Variants in MIR2052HG observed in about 807,000 individuals in gnomAD.
MIR2052HG encodes the protein MIR2052 host gene.
intron 4 of MIR2052HG, among the ~76,000 whole-genome samples, chr8:74,736,349 A>G (rs1322033656): frequency 6.6e-6 from 1 of 152,164 alleles, no homozygotes; most frequent in Middle Eastern, 3.2e-3. Flanking sequence ...TACTATTGTA[A>G]TGTGATATTT....
chr8:74,638,554 G>T (rs908130725), intron 2 of MIR2052HG, among the ~76,000 whole-genome samples: 18 of 152,286 alleles, frequency 1.2e-4, no homozygotes, highest in African/African-American at 4.1e-4. Context: ...AGTAGAAATG[G>T]AGAGTAGATA....
chr8:74,752,097 A>G (rs1012672334), intron 4 of MIR2052HG, among the ~76,000 whole-genome samples: 15 of 151,872 alleles, frequency 9.9e-5, no homozygotes, highest in African/African-American at 3.6e-4. Flanking sequence ...CCTGGGCAAC[A>G]TAGTGAAACC....
chr8:74,731,357 T>C (rs1174354064), intron 4 of MIR2052HG, among the ~76,000 whole-genome samples: 1 of 152,148 alleles, frequency 6.6e-6, no homozygotes, highest in Admixed American at 6.5e-5. Flanking sequence ...CAGTTTGTCA[T>C]TGCAAGGATA....
At chr8:74,721,587 G>C (rs920261699) in intron 4 of MIR2052HG, among the ~76,000 whole-genome samples, 1 of 152,164 alleles carries the variant, frequency 6.6e-6, no homozygotes, top group Non-Finnish European at 1.5e-5. Context: ...TCATCTGTCA[G>C]GGACTCTCTA....
intron 2 of MIR2052HG, among the ~76,000 whole-genome samples, chr8:74,620,362 G>A (rs957402255): frequency 1.2e-4 from 18 of 152,198 alleles, no homozygotes; most frequent in African/African-American, 3.1e-4. Flanking sequence ...GGCAGTGCCC[G>A]CATGGGGACT....
intron 4 of MIR2052HG, among the ~76,000 whole-genome samples, chr8:74,729,087 A>G (rs115683366): frequency 1.3e-5 from 2 of 152,192 alleles, no homozygotes; most frequent in African/African-American, 4.8e-5. Context: ...TTATTTTAAT[A>G]ATACTTTCCC....
chr8:74,732,131 T>G (rs1168720969), intron 4 of MIR2052HG, among the ~76,000 whole-genome samples: 1 of 152,052 alleles, frequency 6.6e-6, no homozygotes, highest in Non-Finnish European at 1.5e-5. Context: ...CATTGAAAAT[T>G]AAAACCTAAT....
At chr8:74,604,810 T>G (rs1414037391) in intron 1 of MIR2052HG, among the ~76,000 whole-genome samples, 1 of 152,022 alleles carries the variant, frequency 6.6e-6, no homozygotes, top group Non-Finnish European at 1.5e-5. Flanking sequence ...GTCAGGCTAG[T>G]CTTGAACTCC....
At chr8:74,661,909 G>A (rs1004433937) in intron 2 of MIR2052HG, among the ~76,000 whole-genome samples, 9 of 152,038 alleles carry the variant, frequency 5.9e-5, no homozygotes, top group African/African-American at 1.9e-4. Flanking sequence ...GCTAATTATT[G>A]AAAAACGATA....
At chr8:74,606,828 T>A (rs945522244) in intron 1 of MIR2052HG, among the ~76,000 whole-genome samples, 27 of 151,730 alleles carry the variant, frequency 1.8e-4, no homozygotes, top group Non-Finnish European at 3.5e-4. Flanking sequence ...ATAAAAGTTT[T>A]AAAAAATTGT....
At chr8:74,745,462 A>T (rs1330760856) in intron 4 of MIR2052HG, among the ~76,000 whole-genome samples, 1 of 152,162 alleles carries the variant, frequency 6.6e-6, no homozygotes, top group African/African-American at 2.4e-5. Flanking sequence ...TTTGATTTGG[A>T]GAAACAGAAT....
At position 74,603,104 on chromosome 8, in the gene MIR2052HG, G is replaced by A. The variant is rs1003305702; in HGVS notation, n.128+3196G>A. The A allele has an allele frequency of 5.0e-6, 3 of 603,618 alleles. No individual in the cohort carries two copies. In the African/African-American group the frequency reaches 5.6e-5, roughly 11 times the overall value. 37.4% of individuals were successfully genotyped at this position (603,618 alleles called of 1,614,324 possible). ...CTAAATATGGATCTCAGCACCAACAGCTGAACAGAGAAAGGAATTAAAACA... is the reference window on the plus strand; with the variant it reads ...CTAAATATGGATCTCAGCACCAACAACTGAACAGAGAAAGGAATTAAAACA... On this transcript the variant is annotated intron_variant and non_coding_transcript_variant, in intron 1 of 6. Transcript: ENST00000523442.
chr8:74,696,713 A>G (rs1251905602), intron 2 of MIR2052HG, among the ~76,000 whole-genome samples: 1 of 152,076 alleles, frequency 6.6e-6, no homozygotes, highest in Non-Finnish European at 1.5e-5. Flanking sequence ...AAACTAGGAA[A>G]CCTAGGGGAG....
intron 2 of MIR2052HG, among the ~76,000 whole-genome samples, chr8:74,656,967 T>G (rs1312288635): frequency 6.6e-6 from 1 of 152,178 alleles, no homozygotes; most frequent in African/African-American, 2.4e-5. Context: ...ACATTTTCCT[T>G]CCTTCATACC....
At chr8:74,649,841 TA>T (rs1808734036) in intron 2 of MIR2052HG, among the ~76,000 whole-genome samples, 1 of 152,108 alleles carries the variant, frequency 6.6e-6, no homozygotes, top group Non-Finnish European at 1.5e-5. Flanking sequence ...TAATATTTTA[TA>T]TTTTTTTTCA....
At chr8:74,627,749 CCTGAATATTTAAGGAATCCTCCAGGGTGT>C (rs770454671) in intron 2 of MIR2052HG, among the ~76,000 whole-genome samples, 2 of 151,986 alleles carry the variant, frequency 1.3e-5, no homozygotes. Context: ...TTTACACATG[CCTGAATATTTAAGGAATCCTCCAGGGTGT>C]CTGAATGTAA....
At chr8:74,634,358 C>G (rs1406725430) in intron 2 of MIR2052HG, among the ~76,000 whole-genome samples, 1 of 152,108 alleles carries the variant, frequency 6.6e-6, no homozygotes. Context: ...ACAACCTATG[C>G]CCAAATAGTC....
intron 2 of MIR2052HG, among the ~76,000 whole-genome samples, chr8:74,676,823 A>G (rs1809058415): frequency 2.0e-5 from 3 of 151,976 alleles, no homozygotes; most frequent in Admixed American, 2.0e-4. Context: ...ACGAAAGGCA[A>G]CTATGAGAGG....
chr8:74,628,665 G>C (rs930376973), intron 2 of MIR2052HG: 1 of 152,198 alleles, frequency 6.6e-6, no homozygotes, highest in Non-Finnish European at 1.5e-5. Context: ...ATGATCAAAG[G>C]TTACCAACTG....
Sources: gnomAD v4.1 joint callset for allele counts (sites outside exome capture counted in the v4.1 genomes callset) on GRCh38, gnomAD v4.1.1 for gene constraint, MANE v1.5 for transcripts, NCBI Gene and HGNC (gene_info 2026-07-23, HGNC 2026-07-21) for gene names.